The following TAF4B variants were observed in gnomAD, a reference collection of about 807,000 sequenced individuals.
TAF4B encodes transcription initiation factor TFIID subunit 4B.
A neutral mutation model predicts 86.4 loss-of-function variants in TAF4B; 38 were observed. The ratio of observed to expected loss-of-function variants is 0.44; its 90% CI spans 0.34 to 0.58. TAF4B has a LOEUF of 0.58. TAF4B is among the 20% of genes least tolerant of loss of function. The pLI is 0.02. For synonymous variants in TAF4B, 388 were observed against 391.2 expected (o/e 0.99, Z 0.10); for missense variants, 988 against 1,027.6 (o/e 0.96, Z 0.53).
intron 1 of TAF4B, among the ~76,000 whole-genome samples, chr18:26,246,345 G>A (rs893183282): frequency 6.6e-6 from 1 of 152,042 alleles, no homozygotes; most frequent in African/African-American, 2.4e-5. Context: ...AGTTCAGTCC[G>A]AGACCACAGA....
intron 6 of TAF4B, among the ~76,000 whole-genome samples, chr18:26,283,711 GAAAGACCTAGCTTCCTCCAATAGA>G (rs2056476812): frequency 6.6e-6 from 1 of 152,176 alleles, no homozygotes; most frequent in Non-Finnish European, 1.5e-5. Flanking sequence ...CAAAAGCTAT[GAAAGACCTAGCTTCCTCCAATAGA>G]AGGTTGTTTT....
intron 8 of TAF4B, 110 bp downstream of exon 8, chr18:26,292,491 T>A: frequency 8.6e-7 from 1 of 1,159,846 alleles, no homozygotes. Flanking sequence ...CTTTTAAAGT[T>A]GGCACCCATT....
At chr18:26,263,729 T>G (rs1350997613) in intron 1 of TAF4B, among the ~76,000 whole-genome samples, 1 of 149,554 alleles carries the variant, frequency 6.7e-6, no homozygotes, top group East Asian at 1.9e-4. Flanking sequence ...CTCTCTCTCT[T>G]TTTTGAGACA....
intron 9 of TAF4B, among the ~76,000 whole-genome samples, chr18:26,305,307 TTCA>T (rs1438153178): frequency 6.6e-6 from 1 of 152,244 alleles, no homozygotes; most frequent in African/African-American, 2.4e-5. Flanking sequence ...TAGTAAAGAG[TTCA>T]TCATCTTTAA....
chr18:26,286,108 C>G lies in TAF4B; in HGVS notation c.1199C>G (p.Ala400Gly). ...TCAGTGCAAACTTTGAACCCACTTG[C>G]TGGTCCAGTGGGAGCAAAAGCTGGA... ...TVSVQTLNPL[A>G]GPVGAKAGVV... The change falls in exon 7 of 15, where the codon GCT (alanine) becomes GGT (glycine). Residue 400 changes from alanine to glycine, a missense_variant. Coordinates refer to ENST00000269142, the MANE Select transcript of TAF4B (RefSeq NM_005640.3). 3 of 1,614,210 alleles carry G rather than the reference C, an allele frequency of 1.9e-6. No homozygotes were observed. The East Asian group carries it at 6.7e-5, about 36-fold the overall frequency.
At chr18:26,347,490 A>G (rs912470039) in intron 13 of TAF4B, among the ~76,000 whole-genome samples, 3 of 152,238 alleles carry the variant, frequency 2.0e-5, no homozygotes, top group Non-Finnish European at 2.9e-5. Flanking sequence ...CACCTACACA[A>G]ATACTAAAAG....
At chr18:26,265,110 G>A (rs1009454289) in intron 1 of TAF4B, 60 bp from the exon 2 acceptor site, 6 of 1,516,914 alleles carry the variant, frequency 4.0e-6, no homozygotes, top group Admixed American at 2.2e-5. Flanking sequence ...AAGAAAATAT[G>A]TGATGGTTAT....
At chr18:26,246,804 A>G (rs529920262) in intron 1 of TAF4B, among the ~76,000 whole-genome samples, 73 of 152,046 alleles carry the variant, frequency 4.8e-4, no homozygotes, top group African/African-American at 1.7e-3. Context: ...AAGTGTTGGC[A>G]TTACAGGCGT....
chr18:26,365,204 A>G (rs1042847007), intron 14 of TAF4B, among the ~76,000 whole-genome samples: 1 of 151,720 alleles, frequency 6.6e-6, no homozygotes, highest in Non-Finnish European at 1.5e-5. Flanking sequence ...ATGGGATTTC[A>G]CTATGTTGGC....
intron 11 of TAF4B, among the ~76,000 whole-genome samples, chr18:26,325,401 G>T (rs1209792744): frequency 6.6e-6 from 1 of 152,188 alleles, no homozygotes; most frequent in East Asian, 1.9e-4. Context: ...GAAATCTTCA[G>T]TTAGGCCAGC....
chr18:26,251,842 T>A (rs890514863), intron 1 of TAF4B, among the ~76,000 whole-genome samples: 2 of 152,158 alleles, frequency 1.3e-5, no homozygotes, highest in Admixed American at 6.6e-5. Flanking sequence ...GCAAAAGGAG[T>A]GTTTTGCATC....
In TAF4B at chr18:26,390,904, T is replaced by G. The variant is rs1978669518; in HGVS notation, c.*892T>G. On this transcript the variant is annotated 3_prime_UTR_variant, in exon 15 of 15. Coordinates refer to ENST00000269142, the MANE Select transcript of TAF4B (RefSeq NM_005640.3). The stretch of plus-strand genomic sequence containing the variant: ...ACCAGAAAGGAGAATGTACCAGATG[T>G]TTTCAAATTAGAGTATTTCAAAAGG... 1 of 152,208 alleles carries G rather than the reference T, an allele frequency of 6.6e-6. No individual in the cohort carries two copies. Among genetic ancestry groups the G allele is most frequent in the Non-Finnish European group, 1.5e-5 (1 of 68,032 alleles). 9.4% of individuals were successfully genotyped at this position (152,208 alleles called of 1,614,324 possible).
At chr18:26,264,009 G>A (rs1444928884) in intron 1 of TAF4B, among the ~76,000 whole-genome samples, 1 of 152,210 alleles carries the variant, frequency 6.6e-6, no homozygotes, top group East Asian at 1.9e-4. Context: ...AGAAGCTGAG[G>A]CAGAATTAAT....
chr18:26,341,761 G>T (rs1456781915), intron 13 of TAF4B, among the ~76,000 whole-genome samples: 1 of 152,084 alleles, frequency 6.6e-6, no homozygotes, highest in Non-Finnish European at 1.5e-5. Context: ...AATTGTCTTT[G>T]AGGGCTTAAA....
chr18:26,269,885 A>C (rs775923512), intron 3 of TAF4B, among the ~76,000 whole-genome samples: 10 of 152,262 alleles, frequency 6.6e-5, no homozygotes, highest in Admixed American at 1.3e-4. Flanking sequence ...ATTATCTCAA[A>C]ACCTACTGTA....
At chr18:26,373,160 A>G (rs905721389) in intron 14 of TAF4B, among the ~76,000 whole-genome samples, 5 of 152,088 alleles carry the variant, frequency 3.3e-5, no homozygotes, top group African/African-American at 1.2e-4. Context: ...TCACAGAGAG[A>G]GACACGTTTG....
intron 13 of TAF4B, among the ~76,000 whole-genome samples, chr18:26,342,508 A>T (rs1457936966): frequency 6.6e-6 from 1 of 152,190 alleles, no homozygotes; most frequent in Admixed American, 6.5e-5. Context: ...CTTGAAAATT[A>T]TGTGCTTAGC....
rs557934174 is a variant in TAF4B at position 26,282,251 on chromosome 18, A to G, written c.972+191A>G. Among the ~76,000 whole-genome samples the G allele has an allele frequency of 3.3e-5, 5 of 152,338 alleles. No individual in the cohort carries two copies. In the South Asian group the frequency reaches 1.0e-3, roughly 32 times the overall value. Reference sequence around the variant, plus strand: ...TTTAATTTGGACACTTTGAAAAAAGAGAAGTAACATTTTATTCATGAACAT... The same window carrying G: ...TTTAATTTGGACACTTTGAAAAAAGGGAAGTAACATTTTATTCATGAACAT... On this transcript the variant is annotated intron_variant, in intron 6 of 14. Coordinates refer to ENST00000269142, the MANE Select transcript of TAF4B (RefSeq NM_005640.3).
chr18:26,230,778 C>T (rs2055653035), intron 1 of TAF4B, among the ~76,000 whole-genome samples: 1 of 152,102 alleles, frequency 6.6e-6, no homozygotes, highest in South Asian at 2.1e-4. Context: ...CTCTATGTCG[C>T]TATTATCTAT....
Sources: allele counts gnomAD v4.1 joint callset (sites outside exome capture counted in the v4.1 genomes callset), GRCh38; gene constraint gnomAD v4.1.1; transcripts MANE v1.5; gene names NCBI Gene and HGNC (gene_info 2026-07-23, HGNC 2026-07-21).